SGCD: variants seen among roughly 807,000 people sequenced by gnomAD.
SGCD encodes the protein delta-sarcoglycan.
SGCD carries 18 observed loss-of-function variants against 36.6 expected under a neutral mutation model. The observed-to-expected ratio is 0.49, with a 90% CI of 0.34 to 0.73. The LOEUF is 0.73. Among genes scored for constraint, SGCD ranks in the 30% least tolerant of loss-of-function variants. The pLI, the probability that SGCD is intolerant of heterozygous loss-of-function variation, is 0.01. For missense variants in SGCD, 387 were observed against 346.7 expected (o/e 1.12, Z -0.92); for synonymous variants, 133 against 130.6 (o/e 1.02, Z -0.12).
chr5:156,290,069 C>T (rs1431655880), intron 3 of SGCD, among the ~76,000 whole-genome samples: 1 of 152,060 alleles, frequency 6.6e-6, no homozygotes, highest in Non-Finnish European at 1.5e-5. Flanking sequence ...ATGGAAAAGG[C>T]TTTGTACATT....
chr5:156,522,345 T>G (rs1224820104), intron 4 of SGCD, among the ~76,000 whole-genome samples: 2 of 151,528 alleles, frequency 1.3e-5, no homozygotes, highest in Non-Finnish European at 2.9e-5. Flanking sequence ...AGTATAATAA[T>G]AAAAAAGATA....
At chr5:155,987,437 G>A (rs1186717485) in intron 1 of SGCD, among the ~76,000 whole-genome samples, 2 of 152,154 alleles carry the variant, frequency 1.3e-5, no homozygotes, top group African/African-American at 4.8e-5. Context: ...TATAGAAATA[G>A]TCTCCTGATG....
chr5:156,003,445 G>T (rs1758701494), intron 1 of SGCD, among the ~76,000 whole-genome samples: 1 of 152,172 alleles, frequency 6.6e-6, no homozygotes, highest in Admixed American at 6.5e-5. Context: ...AATTCTGATG[G>T]AATTTATTTT....
chr5:155,748,034 C>A, the SGCD span, among the ~76,000 whole-genome samples: 1 of 152,084 alleles, frequency 6.6e-6, no homozygotes, highest in East Asian at 1.9e-4. Context: ...AGAATCAAAT[C>A]CTTTCCCTAC....
intron 1 of SGCD, among the ~76,000 whole-genome samples, chr5:155,995,572 A>C (rs910368316): frequency 6.6e-6 from 1 of 152,224 alleles, no homozygotes; most frequent in Non-Finnish European, 1.5e-5. Flanking sequence ...TTATTCAATA[A>C]AGGTCATAAA....
intron 3 of SGCD, among the ~76,000 whole-genome samples, chr5:156,392,707 G>A (rs1485182876): frequency 6.6e-6 from 1 of 152,182 alleles, no homozygotes; most frequent in Non-Finnish European, 1.5e-5. Context: ...TTCAGTGGGA[G>A]TAGCTCTCAG....
At chr5:156,531,180 A>G (rs567801581) in intron 4 of SGCD, among the ~76,000 whole-genome samples, 2 of 152,276 alleles carry the variant, frequency 1.3e-5, no homozygotes, top group African/African-American at 4.8e-5. Context: ...CCATGTGAGG[A>G]CATAGTATTC....
intron 3 of SGCD, among the ~76,000 whole-genome samples, chr5:156,310,796 A>C (rs1206304728): frequency 1.3e-5 from 2 of 152,212 alleles, no homozygotes; most frequent in African/African-American, 2.4e-5. Context: ...AGAGAGAGAG[A>C]GACAATATTC....
chr5:156,515,605 G>T (rs941636618), intron 4 of SGCD, among the ~76,000 whole-genome samples: 1 of 152,184 alleles, frequency 6.6e-6, no homozygotes, highest in African/African-American at 2.4e-5. Context: ...GTGCTACCCT[G>T]CCAAGGAAAC....
chr5:156,232,495 T>C (rs564126407), intron 3 of SGCD, among the ~76,000 whole-genome samples: 1 of 152,330 alleles, frequency 6.6e-6, no homozygotes, highest in South Asian at 2.1e-4. Context: ...TGTGAGCCTT[T>C]CACACTCTAT....
chr5:156,373,927 C>T (rs959420569), intron 3 of SGCD, among the ~76,000 whole-genome samples: 2 of 151,854 alleles, frequency 1.3e-5, no homozygotes, highest in Admixed American at 6.6e-5. Flanking sequence ...GTGTGGGTGA[C>T]GAAATAGAAA....
intron 1 of SGCD, among the ~76,000 whole-genome samples, chr5:155,916,656 T>C (rs1267589492): frequency 6.6e-6 from 1 of 152,210 alleles, no homozygotes; most frequent in South Asian, 2.1e-4. Flanking sequence ...ATACAAAACA[T>C]GCATTGTTTT....
At chr5:156,052,413 A>G (rs1049592752) in intron 1 of SGCD, among the ~76,000 whole-genome samples, 2 of 146,328 alleles carry the variant, frequency 1.4e-5, no homozygotes, top group African/African-American at 2.5e-5. Context: ...AGGCCTTTGA[A>G]CTTCATGCTA....
chr5:155,968,439 C>G (rs1204751484), intron 1 of SGCD, among the ~76,000 whole-genome samples: 2 of 152,178 alleles, frequency 1.3e-5, no homozygotes, highest in East Asian at 1.9e-4. Flanking sequence ...CACAGTCAAC[C>G]ATGGTCCAAA....
chr5:156,040,223 T>TTTC (rs1368524939), intron 1 of SGCD, among the ~76,000 whole-genome samples: 2 of 152,222 alleles, frequency 1.3e-5, no homozygotes, highest in African/African-American at 4.8e-5. Context: ...ATTTGCTAGA[T>TTTC]AATTTTATGG....
At chr5:156,576,610 C>T (rs1319927999) in intron 4 of SGCD, among the ~76,000 whole-genome samples, 1 of 152,116 alleles carries the variant, frequency 6.6e-6, no homozygotes, top group Non-Finnish European at 1.5e-5. Flanking sequence ...TTATAATGAT[C>T]GCCATTCTAA....
At chr5:156,386,402 C>T (rs532269718) in intron 3 of SGCD, among the ~76,000 whole-genome samples, 1 of 152,294 alleles carries the variant, frequency 6.6e-6, no homozygotes, top group South Asian at 2.1e-4. Flanking sequence ...ATTAACATAG[C>T]ACAAAGTGCA....
At chr5:156,405,802 C>A (rs553457501) in intron 3 of SGCD, among the ~76,000 whole-genome samples, 1 of 152,098 alleles carries the variant, frequency 6.6e-6, no homozygotes, top group Admixed American at 6.5e-5. Flanking sequence ...GGCTATAGGC[C>A]TGGGGGCAGG....
intron 3 of SGCD, among the ~76,000 whole-genome samples, chr5:156,124,304 C>T (rs563809164): frequency 6.6e-6 from 1 of 152,144 alleles, no homozygotes; most frequent in East Asian, 1.9e-4. Context: ...GTGCAGGTGT[C>T]TCAGCTAGAA....
Sources: gnomAD v4.1 joint callset for allele counts (sites outside exome capture counted in the v4.1 genomes callset) on GRCh38, gnomAD v4.1.1 for gene constraint, MANE v1.5 for transcripts, NCBI Gene and HGNC (gene_info 2026-07-23, HGNC 2026-07-21) for gene names.